Variants in AGAP1 observed in about 807,000 individuals in gnomAD.
The protein encoded by AGAP1 is ArfGAP with GTPase domain, ankyrin repeat and PH domain 1, also known as arf-GAP with GTPase, ANK repeat and PH domain-containing protein 1.
A neutral mutation model predicts 105.3 loss-of-function variants in AGAP1; 29 were observed. The observed-to-expected ratio is 0.28, with a 90% CI of 0.21 to 0.38. AGAP1 has a LOEUF of 0.38. Ranked by LOEUF, AGAP1 falls within the 10% of genes least tolerant of loss-of-function variation. The pLI is 1.00. For synonymous variants in AGAP1, 509 were observed against 485.9 expected (o/e 1.05, Z -0.63); for missense variants, 998 against 1,165.1 (o/e 0.86, Z 2.09).
chr2:235,742,450 G>A (rs1039244557), intron 4 of AGAP1, among the ~76,000 whole-genome samples: 6 of 152,282 alleles, frequency 3.9e-5, no homozygotes, highest in South Asian at 2.1e-4. Context: ...TAGCATTAAC[G>A]ATACCATGAA....
chr2:235,989,869 C>G lies in AGAP1; in HGVS notation c.1645+21246C>G, dbSNP rs895738940. ...GAAATCCATGCGTCTTCCTTTTGCC[C>G]ACAGGAGAAGAGATGAAAGAGAGGG... On this transcript the variant is annotated intron_variant, in intron 13 of 17. Coordinates refer to ENST00000304032, the MANE Select transcript of AGAP1 (RefSeq NM_001037131.3). This position sits in a 1 kb window ranked among gnomAD's most constrained non-coding sequence, Gnocchi z 4.4. Among the ~76,000 whole-genome samples the G allele has an allele frequency of 2.6e-5, 4 of 152,104 alleles. No homozygotes were observed. Among genetic ancestry groups the G allele is most frequent in the Non-Finnish European group, 5.9e-5 (4 of 68,030 alleles).
intron 1 of AGAP1, among the ~76,000 whole-genome samples, chr2:235,707,116 TGTGTCC>T (rs1287711698): frequency 2.0e-5 from 3 of 152,190 alleles, no homozygotes; most frequent in Non-Finnish European, 4.4e-5. Context: ...TAGCTCCCAA[TGTGTCC>T]GTGTCAGTGG....
chr2:235,557,812 A>G lies in AGAP1; in HGVS notation c.163+62963A>G, dbSNP rs919092769. On this transcript the variant is annotated intron_variant, in intron 1 of 17. Coordinates refer to ENST00000304032, the MANE Select transcript of AGAP1 (RefSeq NM_001037131.3). The surrounding 1 kb of genome is among the most constrained non-coding windows in gnomAD (Gnocchi z 4.7). The stretch of plus-strand genomic sequence containing the variant: ...TTATGAAAACAACGGACTTGGCTAC[A>G]TTTCGACAAGGGGAAGTTAGACACT... Among the ~76,000 whole-genome samples the G allele has an allele frequency of 6.6e-6, 1 of 152,184 alleles. No individual in the cohort carries two copies. Among genetic ancestry groups the G allele is most frequent in the African/African-American group, 2.4e-5 (1 of 41,438 alleles).
chr2:235,519,903 C>T (rs1364085523), intron 1 of AGAP1, among the ~76,000 whole-genome samples: 1 of 152,162 alleles, frequency 6.6e-6, no homozygotes, highest in East Asian at 1.9e-4. Context: ...CTGCCTCAGC[C>T]TCCTGAGTAG....
rs1438943769 is a variant in AGAP1 at position 235,751,008 on chromosome 2, T to C, written c.673+520T>C. On this transcript the variant is annotated intron_variant, in intron 6 of 17. Transcript: ENST00000304032. This position sits in a 1 kb window ranked among gnomAD's most constrained non-coding sequence, Gnocchi z 5.3. The stretch of plus-strand genomic sequence containing the variant: ...GAGGGTGAGGACCAGCCTTTTGGAA[T>C]TGTTTTTAGGTTATTTTATTCATTA... Among the ~76,000 whole-genome samples the C allele has an allele frequency of 1.3e-5, 2 of 152,086 alleles. No individual in the cohort carries two copies. The highest frequency in any genetic ancestry group is 2.4e-5 in the African/African-American group (1 of 41,404).
rs1290279134 is a variant in AGAP1, at chr2:236,073,030, T to C, written c.2114+23749T>C. On this transcript the variant is annotated intron_variant, in intron 16 of 17. Transcript: ENST00000304032. The surrounding 1 kb of genome is among the most constrained non-coding windows in gnomAD (Gnocchi z 5.4). ...TTTTTTTTTTCCTAGACAGTCTCGC[T>C]GTGTCTCCAGGCTGGAGTGCAGTGG... Among the ~76,000 whole-genome samples, 4 of 151,966 alleles carry C rather than the reference T, an allele frequency of 2.6e-5. No homozygotes were observed. The highest frequency in any genetic ancestry group is 2.6e-4 in the Admixed American group (4 of 15,252).
chr2:236,071,094 G>T (rs528019839), intron 16 of AGAP1, among the ~76,000 whole-genome samples: 3 of 152,370 alleles, frequency 2.0e-5, no homozygotes, highest in African/African-American at 7.2e-5. Flanking sequence ...CGGCTTTGCC[G>T]GCATGGAGTG....
chr2:235,987,108 GTTAT>G (rs59663970), intron 13 of AGAP1, among the ~76,000 whole-genome samples: 9,397 of 147,740 alleles, frequency 0.064, 591 homozygotes, highest in African/African-American at 0.16. Flanking sequence ...GCTTTTTATT[GTTAT>G]TTATTTATTT....
At chr2:235,776,764 C>T (rs1290113991) in intron 6 of AGAP1, among the ~76,000 whole-genome samples, 3 of 152,176 alleles carry the variant, frequency 2.0e-5, no homozygotes, top group African/African-American at 7.2e-5. Flanking sequence ...GCACTGCAAG[C>T]TCGCACCCTT....
chr2:235,619,528 G>A (rs1156680867), intron 1 of AGAP1, among the ~76,000 whole-genome samples: 1 of 151,506 alleles, frequency 6.6e-6, no homozygotes, highest in East Asian at 1.9e-4. Context: ...GGGGAGCTGG[G>A]ATTCAAACCT....
intron 1 of AGAP1, among the ~76,000 whole-genome samples, chr2:235,696,390 C>A (rs896045947): frequency 4.6e-5 from 7 of 152,202 alleles, no homozygotes; most frequent in African/African-American, 1.7e-4. Context: ...TTACCCTGAG[C>A]ATCAGTGACA....
rs563678103 is a variant in AGAP1 at position 235,806,142 on chromosome 2, C to G, written c.958-1097C>G. On this transcript the variant is annotated intron_variant, in intron 8 of 17. Coordinates refer to ENST00000304032, the MANE Select transcript of AGAP1 (RefSeq NM_001037131.3). ...ATGTATGTTTTTTAAATCAGCTGTT[C>G]CAGCTCACATCCCTTTGAACCTGGA... Among the ~76,000 whole-genome samples, 5 of 152,288 alleles carry G rather than the reference C, an allele frequency of 3.3e-5. No individual in the cohort carries two copies. The East Asian group carries it at 7.7e-4, about 23-fold the overall frequency.
At chr2:235,782,090 C>T (rs901206037) in intron 6 of AGAP1, among the ~76,000 whole-genome samples, 3 of 152,216 alleles carry the variant, frequency 2.0e-5, no homozygotes, top group African/African-American at 7.2e-5. Flanking sequence ...GAAGGAAGGC[C>T]TGCAGCCCAG....
chr2:235,857,605 T>C (rs752658246), intron 9 of AGAP1, among the ~76,000 whole-genome samples: 1 of 152,214 alleles, frequency 6.6e-6, no homozygotes, highest in Non-Finnish European at 1.5e-5. Context: ...ATGCATTGCA[T>C]GTCACATGTA....
chr2:235,798,457 G>T (rs1957342034), intron 7 of AGAP1, among the ~76,000 whole-genome samples: 1 of 152,156 alleles, frequency 6.6e-6, no homozygotes, highest in Non-Finnish European at 1.5e-5. Context: ...CGTTTCTTGG[G>T]CAGGTATTCT....
chr2:235,544,236 C>T (rs529312664), intron 1 of AGAP1, among the ~76,000 whole-genome samples: 1 of 152,180 alleles, frequency 6.6e-6, no homozygotes, highest in Non-Finnish European at 1.5e-5. Context: ...TCTTCCTGTC[C>T]AGTGGTCCAG....
intron 11 of AGAP1, among the ~76,000 whole-genome samples, chr2:235,926,819 A>G (rs898911254): frequency 4.6e-5 from 7 of 152,292 alleles, no homozygotes; most frequent in Admixed American, 3.3e-4. Context: ...GAGCCTGGGC[A>G]ACCCCGGAAC....
At position 236,124,924 on chromosome 2, in the gene AGAP1, A is replaced by T. The variant is rs2059979669; in HGVS notation, c.*802A>T. 1 of 161,272 alleles carries T rather than the reference A, an allele frequency of 6.2e-6. No individual in the cohort carries two copies. Among genetic ancestry groups the T allele is most frequent in the Non-Finnish European group, 1.5e-5 (1 of 68,094 alleles). 10.0% of individuals were successfully genotyped at this position (161,272 alleles called of 1,614,324 possible). A position where few individuals can be genotyped will look rare whatever the true frequency, so the allele number is the denominator to read the frequency against. ...GTATCTGTTTAATTTTTCAGTCCAA[A>T]GAGAGGAAATCAGTCGCTGAGTATT... is the stretch of plus-strand genomic sequence containing the variant. On this transcript the variant is annotated 3_prime_UTR_variant, in exon 18 of 18. Coordinates refer to ENST00000304032, the MANE Select transcript of AGAP1 (RefSeq NM_001037131.3). The surrounding 1 kb of genome is among the most constrained non-coding windows in gnomAD (Gnocchi z 5.1).
intron 1 of AGAP1, among the ~76,000 whole-genome samples, chr2:235,640,730 A>G (rs1012773772): frequency 1.1e-4 from 17 of 152,174 alleles, no homozygotes; most frequent in African/African-American, 3.9e-4. Flanking sequence ...CGTGGGGGCA[A>G]ATTCTAAAGA....
Sources: gnomAD v4.1 joint callset for allele counts (sites outside exome capture counted in the v4.1 genomes callset) on GRCh38, gnomAD v4.1.1 for gene constraint, Gnocchi (gnomAD v3.1) non-coding constraint, MANE v1.5 for transcripts, NCBI Gene and HGNC (gene_info 2026-07-23, HGNC 2026-07-21) for gene names.